The following C10orf105 variants were observed in gnomAD, a reference collection of about 807,000 sequenced individuals.
C10orf105 encodes uncharacterized protein C10orf105.
C10orf105 carries 2 observed loss-of-function variants against 0.6 expected under a neutral mutation model. The ratio of observed to expected loss-of-function variants is 3.18; its 90% CI spans 1.30 to 10.01. The LOEUF (loss-of-function observed/expected upper bound fraction) is 10.01. C10orf105 is among the 30% of genes most tolerant of loss of function. The pLI is 0.04. For synonymous variants in C10orf105, 95 were observed against 82.4 expected (o/e 1.15, Z -0.83); for missense variants, 209 against 191.4 (o/e 1.09, Z -0.54).
rs949198537 is a variant in C10orf105, at chr10:71,712,843, G to T, written c.*3093C>A. On this transcript the variant is annotated 3_prime_UTR_variant, in exon 2 of 2. Transcript: ENST00000441508. ...GTGGCCCGTGGCCTCTGGGGCAGGTGGTGGGCTGGGGGAGGCGGAGCCACA... is the reference window on the plus strand; with the variant it reads ...GTGGCCCGTGGCCTCTGGGGCAGGTTGTGGGCTGGGGGAGGCGGAGCCACA... 6.2e-7 allele frequency: 1 copy of T among 1,603,248 alleles called. No individual in the cohort carries two copies. Among genetic ancestry groups the T allele is most frequent in the Non-Finnish European group, 8.5e-7 (1 of 1,175,336 alleles).
chr10:71,716,514 A>G (rs1866249908), intron 1 of C10orf105, 172 bp from the exon 2 acceptor site: 1 of 556,498 alleles, frequency 1.8e-6, no homozygotes, highest in Non-Finnish European at 3.1e-6. Context: ...TCACAAGTCT[A>G]AGTGTACACA....
At chr10:71,728,196 C>T (rs950894568) in intron 1 of C10orf105, among the ~76,000 whole-genome samples, 90 of 152,254 alleles carry the variant, frequency 5.9e-4, no homozygotes, top group African/African-American at 2.1e-3. Flanking sequence ...AACTCCCCCC[C>T]GCACCCACCC....
upstream of C10orf105, among the ~76,000 whole-genome samples, chr10:71,720,420 A>AAC (rs57346519): frequency 0.21 from 30,179 of 145,680 alleles, 3,098 homozygotes; most frequent in East Asian, 0.32. Context: ...CTCTTTCCAA[A>AAC]ACACACACAC....
chr10:71,737,777 C>T (rs1199183195), exon 1 of C10orf105: 1 of 469,266 alleles, frequency 2.1e-6, no homozygotes, highest in Admixed American at 2.3e-5. Context: ...CTGGAGGCCT[C>T]ACCCGCGGCA....
At chr10:71,725,362 C>T (rs1197879858) in intron 1 of C10orf105, 2 of 1,613,880 alleles carry the variant, frequency 1.2e-6, no homozygotes, top group African/African-American at 2.7e-5. Context: ...GGGTCTGTCC[C>T]TCCACACAGG....
chr10:71,732,183 C>T lies in C10orf105; in HGVS notation c.-6+5545G>A, dbSNP rs1839413172. The T allele has an allele frequency of 1.9e-6, 3 of 1,613,902 alleles. No homozygotes were observed. Among genetic ancestry groups the T allele is most frequent in the Non-Finnish European group, 2.5e-6 (3 of 1,179,846 alleles). On this transcript the variant is annotated intron_variant, in intron 1 of 1. Transcript: ENST00000398786. The stretch of plus-strand genomic sequence containing the variant: ...TCTGCAGCGTCTACATCACTCTGCT[C>T]AACGAGCTGGACGAGGCCGTGCAGT...
chr10:71,728,192 C>T (rs1224145652), intron 1 of C10orf105, among the ~76,000 whole-genome samples: 2 of 152,100 alleles, frequency 1.3e-5, no homozygotes, highest in Non-Finnish European at 2.9e-5. Flanking sequence ...TGCAAACTCC[C>T]CCCCGCACCC....
rs919801235 is a variant in C10orf105, at chr10:71,735,395, C to T, written c.-6+2333G>A. The stretch of plus-strand genomic sequence containing the variant: ...AACGTTCCTAGAAGAGGCGGCCCGG[C>T]CTGAAGGGAGAGGCAGGCAGGGGAG... On this transcript the variant is annotated intron_variant, in intron 1 of 1. Transcript: ENST00000398786. Among the ~76,000 whole-genome samples the T allele has an allele frequency of 2.0e-5, 3 of 152,134 alleles. No homozygotes were observed. In the East Asian group the frequency reaches 5.8e-4, roughly 29 times the overall value.
rs995106638 is a variant in C10orf105, at chr10:71,716,183, C to T, written c.155G>A (p.Cys52Tyr). 4 of 1,551,102 alleles carry T rather than the reference C, an allele frequency of 2.6e-6. No homozygotes were observed. Among genetic ancestry groups the T allele is most frequent in the African/African-American group, 2.7e-5 (2 of 73,156 alleles). Residue 52 changes from cysteine to tyrosine, a missense_variant, in exon 2 of 2, where the codon TGT becomes TAT. Coordinates refer to ENST00000441508, the MANE Select transcript of C10orf105 (RefSeq NM_001164375.3). ...LACIFLLLATCLLFMTLCKPA... is the reference protein window; with the variant it reads ...LACIFLLLATYLLFMTLCKPA... ...CTTGCAGAGCGTCATGAACAGCAGACAGGTGGCCAGCAGGAGGAAGATGCA... is the reference window on the plus strand; with the variant it reads ...CTTGCAGAGCGTCATGAACAGCAGATAGGTGGCCAGCAGGAGGAAGATGCA...
At chr10:71,737,773 GC>G (rs1209980875) in exon 1 of C10orf105, 3 of 469,606 alleles carry the variant, frequency 6.4e-6, no homozygotes, top group Non-Finnish European at 1.3e-5. Context: ...TGGACTGGAG[GC>G]CTCACCCGCG....
chr10:71,724,792 T>C (rs1190747857), intron 1 of C10orf105, among the ~76,000 whole-genome samples: 1 of 152,134 alleles, frequency 6.6e-6, no homozygotes, highest in African/African-American at 2.4e-5. Context: ...GAGAATAAAA[T>C]GTGCTGATCC....
At chr10:71,717,817 C>T (rs1866350171) in intron 1 of C10orf105, 1 of 152,088 alleles carries the variant, frequency 6.6e-6, no homozygotes, top group South Asian at 2.1e-4. Flanking sequence ...TAAATGTTGG[C>T]AGCTAATTCA....
At chr10:71,721,086 A>G (rs10823832), upstream of C10orf105, among the ~76,000 whole-genome samples, 23,581 of 152,158 alleles carry the variant, frequency 0.15, 3,755 homozygotes, top group African/African-American at 0.39. Flanking sequence ...TCCTGAGATG[A>G]CAGAAGACAA....
chr10:71,724,059 C>A, upstream of C10orf105: 1 of 1,560,594 alleles, frequency 6.4e-7, no homozygotes, highest in Non-Finnish European at 8.7e-7. Context: ...AAGCCACGGA[C>A]GCAGATGAGG....
chr10:71,721,571 T>C (rs1008141601), upstream of C10orf105, among the ~76,000 whole-genome samples: 1 of 152,216 alleles, frequency 6.6e-6, no homozygotes, highest in African/African-American at 2.4e-5. Flanking sequence ...CCTAAATTCA[T>C]GCTTGGGTGT....
Position 71,725,424 on chromosome 10 carries a change from A to AG in C10orf105, c.-5-9083dup. ...ATGTCAGCAATGGGCTCCTGATGCGAGGGCCCCGGCCCCTGGACCGGGAGC... is the reference window on the plus strand; with the variant it reads ...ATGTCAGCAATGGGCTCCTGATGCGAGGGGCCCCGGCCCCTGGACCGGGAGC... On this transcript the variant is annotated intron_variant, in intron 1 of 1. Transcript: ENST00000398786. 2 of 1,614,036 alleles carry AG rather than the reference A, an allele frequency of 1.2e-6. No homozygotes were observed. Among genetic ancestry groups the AG allele is most frequent in the Non-Finnish European group, 1.7e-6 (2 of 1,179,900 alleles).
chr10:71,718,614 C>T (rs1866403032), intron 1 of C10orf105, among the ~76,000 whole-genome samples: 1 of 152,208 alleles, frequency 6.6e-6, no homozygotes, highest in East Asian at 1.9e-4. Flanking sequence ...CTACCCTGGA[C>T]AATGCTTGGC....
Position 71,712,464 on chromosome 10 carries a change from C to A in C10orf105, c.*3472G>T. 1 of 581,892 alleles carries A rather than the reference C, an allele frequency of 1.7e-6. No individual in the cohort carries two copies. Among genetic ancestry groups the A allele is most frequent in the Non-Finnish European group, 3.1e-6 (1 of 326,504 alleles). 36.0% of individuals were successfully genotyped at this position (581,892 alleles called of 1,614,324 possible). On this transcript the variant is annotated 3_prime_UTR_variant, in exon 2 of 2. Coordinates refer to ENST00000441508, the MANE Select transcript of C10orf105 (RefSeq NM_001164375.3). ...AGGACTGAATGGGTTAGAAGAATGG[C>A]TGGCACATGGTGTTATCTAAGTATT...
At chr10:71,731,995 G>A in intron 1 of C10orf105, 1 of 1,613,500 alleles carries the variant, frequency 6.2e-7, no homozygotes, top group Non-Finnish European at 8.5e-7. Flanking sequence ...AGGGGATGGT[G>A]GCCTGGTGAA....
Sources: allele counts gnomAD v4.1 joint callset (sites outside exome capture counted in the v4.1 genomes callset), GRCh38; gene constraint gnomAD v4.1.1; transcripts MANE v1.5; gene names NCBI Gene and HGNC (gene_info 2026-07-23, HGNC 2026-07-21).